The following DGLUCY variants were observed in gnomAD, a reference collection of about 807,000 sequenced individuals.
DGLUCY encodes the protein D-glutamate cyclase, mitochondrial.
In DGLUCY, 58 loss-of-function variants were observed where a neutral mutation model predicts 58.5. That is an observed-to-expected ratio of 0.99 (90% CI 0.80 to 1.23). The LOEUF is 1.23. Among genes scored for constraint, DGLUCY ranks in the 50% most tolerant of loss-of-function variants. The pLI is 0.00. For missense variants in DGLUCY, 779 were observed against 784.7 expected, an observed-to-expected ratio of 0.99 and a Z score of 0.09; for synonymous variants, 325 against 314.1, an observed-to-expected ratio of 1.03 and a Z score of -0.37.
intron 5 of DGLUCY, among the ~76,000 whole-genome samples, chr14:91,172,772 G>A (rs1177455146): frequency 1.3e-5 from 2 of 151,746 alleles, no homozygotes; most frequent in Admixed American, 6.6e-5. Context: ...TCAGCCTCCC[G>A]AGTAGCTGGG....
At chr14:91,220,600 C>A (rs954797325) in intron 13 of DGLUCY, 18 of 456,206 alleles carry the variant, frequency 3.9e-5, no homozygotes, top group African/African-American at 3.6e-4. Context: ...GTGGGACTGT[C>A]TGTCTTTCCC....
At chr14:91,063,003 A>T (rs529004306) in intron 1 of DGLUCY, among the ~76,000 whole-genome samples, 1 of 152,206 alleles carries the variant, frequency 6.6e-6, no homozygotes, top group African/African-American at 2.4e-5. Flanking sequence ...CTAGCAACAG[A>T]TATAAATATT....
At chr14:91,213,085 A>G (rs1885945820) in intron 12 of DGLUCY, among the ~76,000 whole-genome samples, 1 of 151,806 alleles carries the variant, frequency 6.6e-6, no homozygotes, top group Non-Finnish European at 1.5e-5. Flanking sequence ...ACAGTGAGCT[A>G]TGATTGTGCC....
intron 9 of DGLUCY, 113 bp from the exon 10 acceptor site, chr14:91,196,262 T>C: frequency 2.7e-6 from 2 of 753,138 alleles, no homozygotes; most frequent in Non-Finnish European, 2.3e-6. Context: ...TACAGATAGA[T>C]GTTGTTCAAC....
At chr14:91,161,751 G>A (rs2048000705) in intron 3 of DGLUCY, among the ~76,000 whole-genome samples, 1 of 151,924 alleles carries the variant, frequency 6.6e-6, no homozygotes, top group African/African-American at 2.4e-5. Flanking sequence ...ACAATGGGGT[G>A]TGAATACTGG....
At chr14:91,213,824 T>C (rs1377978111) in intron 12 of DGLUCY, among the ~76,000 whole-genome samples, 3 of 151,966 alleles carry the variant, frequency 2.0e-5, no homozygotes, top group Admixed American at 1.3e-4. Context: ...CTCAGCCTCC[T>C]GAGTAGCTAG....
intron 13 of DGLUCY, 177 bp downstream of exon 13, chr14:91,215,733 A>G (rs1886419944): frequency 2.4e-5 from 36 of 1,490,918 alleles, no homozygotes; most frequent in Non-Finnish European, 2.9e-5. Context: ...AGCTACTCGC[A>G]GTTCTGAATC....
At chr14:91,200,587 T>G (rs2050491843) in intron 11 of DGLUCY, among the ~76,000 whole-genome samples, 1 of 152,160 alleles carries the variant, frequency 6.6e-6, no homozygotes, top group South Asian at 2.1e-4. Context: ...TATTTCAATT[T>G]TTTTTTTGAG....
At chr14:91,174,329 A>G (rs181248528) in intron 6 of DGLUCY, among the ~76,000 whole-genome samples, 166 of 152,188 alleles carry the variant, frequency 1.1e-3, no homozygotes, top group African/African-American at 3.8e-3. Context: ...TTTTTGAGAC[A>G]CAGTTTCCCT....
intron 1 of DGLUCY, among the ~76,000 whole-genome samples, chr14:91,072,234 GA>G (rs927549954): frequency 6.6e-6 from 1 of 151,542 alleles, no homozygotes; most frequent in African/African-American, 2.4e-5. Context: ...TGAGGCACGA[GA>G]ATCTCTTGAA....
intron 8 of DGLUCY, among the ~76,000 whole-genome samples, chr14:91,188,701 G>T (rs1345461548): frequency 6.6e-6 from 1 of 152,038 alleles, no homozygotes; most frequent in Non-Finnish European, 1.5e-5. Flanking sequence ...GTGGTGGCGC[G>T]TGCCTGTAGC....
intron 1 of DGLUCY, among the ~76,000 whole-genome samples, chr14:91,116,840 AG>A (rs1365904693): frequency 1.3e-5 from 2 of 151,704 alleles, no homozygotes; most frequent in Admixed American, 6.6e-5. Context: ...GCTATTTGGG[AG>A]GCTGAGGCAG....
At chr14:91,204,905 C>T (rs750942625) in intron 12 of DGLUCY, 80 bp downstream of exon 12, 2 of 1,584,082 alleles carry the variant, frequency 1.3e-6, no homozygotes, top group South Asian at 1.1e-5. Flanking sequence ...AGGCCAGAAG[C>T]TCTTCTTCTC....
intron 1 of DGLUCY, among the ~76,000 whole-genome samples, chr14:91,136,619 G>A (rs904816808): frequency 6.6e-6 from 1 of 151,922 alleles, no homozygotes; most frequent in Non-Finnish European, 1.5e-5. Flanking sequence ...GGGAGGAAGC[G>A]GTTGCAGTGA....
chr14:91,136,636 A>T (rs1170640949), intron 1 of DGLUCY, among the ~76,000 whole-genome samples: 7 of 151,522 alleles, frequency 4.6e-5, no homozygotes, highest in African/African-American at 1.5e-4. Context: ...GTGAGCTGAG[A>T]CATACCACTG....
At chr14:91,071,091 G>T (rs573785380) in intron 1 of DGLUCY, among the ~76,000 whole-genome samples, 120 of 152,066 alleles carry the variant, frequency 7.9e-4, no homozygotes, top group African/African-American at 2.8e-3. Flanking sequence ...CCAGTACTTT[G>T]GGAGGCTGAG....
chr14:91,145,093 G>C (rs1417408427), intron 1 of DGLUCY: 2 of 152,154 alleles, frequency 1.3e-5, no homozygotes, highest in South Asian at 2.1e-4. Flanking sequence ...AATGTTCAGC[G>C]TGGGGGGTTA....
upstream of DGLUCY, among the ~76,000 whole-genome samples, chr14:91,111,232 G>T (rs2044691171): frequency 8.9e-6 from 1 of 112,754 alleles, no homozygotes. Flanking sequence ...GTGTGTGTGT[G>T]TGTGTGTGTG....
At chr14:91,221,969 C>T (rs572093416) in intron 13 of DGLUCY, among the ~76,000 whole-genome samples, 14 of 152,254 alleles carry the variant, frequency 9.2e-5, no homozygotes, top group Admixed American at 9.2e-4. Flanking sequence ...AGCACCCATA[C>T]ACTCAGCCTC....
Sources: allele counts gnomAD v4.1 joint callset (sites outside exome capture counted in the v4.1 genomes callset), GRCh38; gene constraint gnomAD v4.1.1; transcripts MANE v1.5; gene names NCBI Gene and HGNC (gene_info 2026-07-23, HGNC 2026-07-21).